The following SEC14L5 variants were observed in gnomAD, a reference collection of about 807,000 sequenced individuals.
SEC14L5 encodes the protein SEC14 like lipid binding 5, also known as SEC14-like protein 5.
SEC14L5 carries 96 observed loss-of-function variants against 84.6 expected under a neutral mutation model. That is an observed-to-expected ratio of 1.13 (90% CI 0.96 to 1.34). The LOEUF is 1.34. Ranked by LOEUF, SEC14L5 falls within the 40% of genes most tolerant of loss-of-function variation. The pLI is 0.00. For synonymous variants in SEC14L5, 546 were observed against 383.4 expected (o/e 1.42, Z -4.95); for missense variants, 1,224 against 942.5 (o/e 1.30, Z -3.91).
At chr16:4,985,110 T>A (rs1313524139) in intron 2 of SEC14L5, among the ~76,000 whole-genome samples, 1 of 152,228 alleles carries the variant, frequency 6.6e-6, no homozygotes, top group East Asian at 1.9e-4. Flanking sequence ...GTGCTTTTGA[T>A]GCCATAAGTA....
At chr16:5,003,960 A>T (rs1246979442) in intron 11 of SEC14L5, among the ~76,000 whole-genome samples, 1 of 152,244 alleles carries the variant, frequency 6.6e-6, no homozygotes, top group African/African-American at 2.4e-5. Context: ...CGGTGGGTAC[A>T]CGCGTGCATG....
Position 4,967,829 on chromosome 16 carries a change from A to T in SEC14L5, c.63+8443A>T, listed in dbSNP as rs1306101357. 1.3e-4 allele frequency among the ~76,000 whole-genome samples: 19 copies of T among 149,588 alleles called. 1 individual carries two copies. In the South Asian group the frequency reaches 1.9e-3, roughly 15 times the overall value. ...CTCAAGTGACCCTGAGGTCACTTGA[A>T]CTCCTGACCTCAGGTGATCCACCTA... is the stretch of plus-strand genomic sequence containing the variant. On this transcript the variant is annotated intron_variant, in intron 2 of 15. Coordinates refer to ENST00000251170, the MANE Select transcript of SEC14L5 (RefSeq NM_014692.2).
Position 5,000,862 on chromosome 16 carries a change from C to A in SEC14L5, c.1067C>A (p.Ser356Tyr), listed in dbSNP as rs1376039725. The change falls in exon 10 of 16, where the codon TCC (serine) becomes TAC (tyrosine). Residue 356 changes from serine (S) to tyrosine (Y), a missense_variant. Ser to Tyr is a moderately radical substitution (Grantham distance 144, BLOSUM62 -2). Coordinates refer to ENST00000251170, the MANE Select transcript of SEC14L5 (RefSeq NM_014692.2). ...ACTGTCTCTCCCTTCCAGGTTCTCTCCGTCAACGAGGAAGGACAGAAGCGG... is the reference window on the plus strand; with the variant it reads ...ACTGTCTCTCCCTTCCAGGTTCTCTACGTCAACGAGGAAGGACAGAAGCGG... ...GEEALLRHVL[S>Y]VNEEGQKRCE... 6.2e-7 allele frequency: 1 copy of A among 1,605,082 alleles called. No individual in the cohort carries two copies.
At chr16:4,985,543 T>G (rs915969604) in intron 2 of SEC14L5, among the ~76,000 whole-genome samples, 1 of 152,162 alleles carries the variant, frequency 6.6e-6, no homozygotes, top group East Asian at 1.9e-4. Context: ...TTCATTCTGT[T>G]GCATGTGTAT....
At chr16:4,985,562 G>A (rs1955476620) in intron 2 of SEC14L5, among the ~76,000 whole-genome samples, 1 of 152,072 alleles carries the variant, frequency 6.6e-6, no homozygotes, top group African/African-American at 2.4e-5. Flanking sequence ...ATATCCAATT[G>A]TCCCGGCACC....
At position 5,016,114 on chromosome 16, in the gene SEC14L5, C is replaced by T. The variant is rs966235334; in HGVS notation, c.*1144C>T. 1.3e-5 allele frequency: 2 copies of T among 152,196 alleles called. No homozygotes were observed. Among genetic ancestry groups the T allele is most frequent in the Non-Finnish European group, 2.9e-5 (2 of 68,056 alleles). The allele number at this position is 152,196 out of a possible 1,614,324, so 9.4% of individuals were successfully genotyped here. On this transcript the variant is annotated 3_prime_UTR_variant, in exon 16 of 16. Transcript: ENST00000251170. ...GGCTTGCTTCAGGTAAGGCTAGATC[C>T]AGGGTCTCAACATGGAGTCTCGATT... is the stretch of plus-strand genomic sequence containing the variant.
intron 10 of SEC14L5, 31 bp from the exon 11 acceptor site, chr16:5,003,371 C>T (rs1170204578): frequency 6.3e-7 from 1 of 1,592,978 alleles, no homozygotes; most frequent in Admixed American, 1.7e-5. Flanking sequence ...GGCAGCAGAG[C>T]CAGGTGGAGC....
At chr16:4,962,237 A>T (rs979669667) in intron 2 of SEC14L5, among the ~76,000 whole-genome samples, 1 of 152,082 alleles carries the variant, frequency 6.6e-6, no homozygotes, top group Non-Finnish European at 1.5e-5. Flanking sequence ...TATGAATAGC[A>T]CTAGTAATGT....
intron 2 of SEC14L5, among the ~76,000 whole-genome samples, chr16:4,986,450 T>C (rs1366225903): frequency 6.6e-6 from 1 of 152,324 alleles, no homozygotes; most frequent in East Asian, 1.9e-4. Flanking sequence ...TGCTACCACG[T>C]CTTTTAAAGT....
rs1359226805 is a variant in SEC14L5, at chr16:5,000,672, A to G, written c.988A>G (p.Ile330Val). The G allele has an allele frequency of 1.3e-6, 2 of 1,551,406 alleles. No homozygotes were observed. The highest frequency in any genetic ancestry group is 2.0e-5 in the Admixed American group (1 of 51,000). Residue 330 changes from isoleucine (I) to valine (V), a missense_variant, in exon 9 of 16, where the codon ATC becomes GTC. Transcript: ENST00000251170. ...YQDIDGRPLYILRLGQMDTKG... is the reference protein window; with the variant it reads ...YQDIDGRPLYVLRLGQMDTKG... Reference sequence around the variant, plus strand: ...CCACAAAGATGGCCGCCCCCTCTACATCCTCCGCCTGGGCCAGATGGACAC... The same window carrying G: ...CCACAAAGATGGCCGCCCCCTCTACGTCCTCCGCCTGGGCCAGATGGACAC...
chr16:5,014,082 G>A (rs1955840709), intron 15 of SEC14L5, among the ~76,000 whole-genome samples: 1 of 152,220 alleles, frequency 6.6e-6, no homozygotes, highest in Admixed American at 6.5e-5. Flanking sequence ...AAGCTGCACT[G>A]TCCTATCTGG....
At chr16:4,966,324 A>G (rs1199770240) in intron 2 of SEC14L5, among the ~76,000 whole-genome samples, 2 of 121,384 alleles carry the variant, frequency 1.6e-5, no homozygotes, top group African/African-American at 3.3e-5. Flanking sequence ...CCCAGGCTGG[A>G]GTGCAGTGGC....
chr16:4,963,145 G>C (rs1052608544), intron 2 of SEC14L5, among the ~76,000 whole-genome samples: 1 of 152,194 alleles, frequency 6.6e-6, no homozygotes, highest in Non-Finnish European at 1.5e-5. Flanking sequence ...TGACACAAAT[G>C]ACTGAAATTG....
At chr16:4,977,369 C>G (rs1346232864) in intron 2 of SEC14L5, among the ~76,000 whole-genome samples, 1 of 138,062 alleles carries the variant, frequency 7.2e-6, no homozygotes, top group Admixed American at 8.1e-5. Flanking sequence ...ATCGTTTGAA[C>G]CCAGGAGGCG....
At chr16:4,959,675 C>T (rs1431104655) in intron 2 of SEC14L5, among the ~76,000 whole-genome samples, 3 of 152,154 alleles carry the variant, frequency 2.0e-5, no homozygotes, top group Non-Finnish European at 2.9e-5. Context: ...GGGGCCAAGC[C>T]ACTGCTGTCA....
At chr16:4,979,328 G>A (rs970038313) in intron 2 of SEC14L5, among the ~76,000 whole-genome samples, 6 of 152,182 alleles carry the variant, frequency 3.9e-5, no homozygotes, top group African/African-American at 1.4e-4. Context: ...CTGCAAGGGG[G>A]TCAAATTGCA....
chr16:4,994,599 C>T (rs1435924726), intron 6 of SEC14L5, among the ~76,000 whole-genome samples: 1 of 152,168 alleles, frequency 6.6e-6, no homozygotes, highest in Admixed American at 6.5e-5. Context: ...CTGCCTTGGT[C>T]TCCCAAAGTG....
At chr16:4,996,663 C>T (rs186979221) in intron 7 of SEC14L5, among the ~76,000 whole-genome samples, 192 bp from the exon 8 acceptor site, 1 of 152,126 alleles carries the variant, frequency 6.6e-6, no homozygotes, top group East Asian at 1.9e-4. Context: ...CCTTCGCCTC[C>T]TGGGTTCAAG....
At chr16:4,968,377 C>T (rs770994887) in intron 2 of SEC14L5, among the ~76,000 whole-genome samples, 2 of 152,092 alleles carry the variant, frequency 1.3e-5, no homozygotes, top group Admixed American at 1.3e-4. Context: ...CGGGGTTTCT[C>T]CATATTGGTC....
Sources: gnomAD v4.1 joint callset for allele counts (sites outside exome capture counted in the v4.1 genomes callset) on GRCh38, gnomAD v4.1.1 for gene constraint, MANE v1.5 for transcripts, NCBI Gene and HGNC (gene_info 2026-07-23, HGNC 2026-07-21) for gene names.